CCDC91: variants seen among roughly 807,000 people sequenced by gnomAD.
CCDC91 encodes coiled-coil domain-containing protein 91.
A neutral mutation model predicts 63.2 loss-of-function variants in CCDC91; 48 were observed. The ratio of observed to expected loss-of-function variants is 0.76; its 90% CI spans 0.60 to 0.97. CCDC91 has a LOEUF of 0.97. CCDC91 is among the 50% of genes least tolerant of loss of function. The probability of loss-of-function intolerance (pLI) is 0.00; values close to 1 mark genes in which losing one functional copy is unlikely to be tolerated. For synonymous variants in CCDC91, 167 were observed against 165.8 expected (o/e 1.01, Z -0.06); for missense variants, 500 against 494.6 (o/e 1.01, Z -0.10).
At chr12:28,423,160 C>A (rs1948112229) in intron 8 of CCDC91, among the ~76,000 whole-genome samples, 1 of 152,008 alleles carries the variant, frequency 6.6e-6, no homozygotes, top group Admixed American at 6.6e-5. Context: ...GAAACATTTC[C>A]TGTGATCTTC....
chr12:28,348,251 G>A (rs1345412511), intron 6 of CCDC91, among the ~76,000 whole-genome samples: 1 of 152,170 alleles, frequency 6.6e-6, no homozygotes, highest in East Asian at 1.9e-4. Context: ...TATGTTTAGG[G>A]CCACCAGGGA....
At chr12:28,232,328 A>T (rs569457080) in intron 1 of CCDC91, among the ~76,000 whole-genome samples, 83 of 150,486 alleles carry the variant, frequency 5.5e-4, no homozygotes, top group African/African-American at 1.9e-3. Context: ...TTACTTAAAA[A>T]TTTTTTTTTT....
At chr12:28,539,237 T>G (rs1215548110) in intron 12 of CCDC91, among the ~76,000 whole-genome samples, 1 of 152,234 alleles carries the variant, frequency 6.6e-6, no homozygotes, top group Non-Finnish European at 1.5e-5. Flanking sequence ...TTTATGGTTT[T>G]AGGTCTAACG....
chr12:28,298,762 G>A (rs973912876), intron 3 of CCDC91, among the ~76,000 whole-genome samples: 1 of 139,478 alleles, frequency 7.2e-6, no homozygotes, highest in African/African-American at 2.6e-5. Context: ...ACAAAAAATT[G>A]TGTGTGCTTG....
chr12:28,349,032 T>C (rs764282265), intron 6 of CCDC91, among the ~76,000 whole-genome samples: 12 of 152,212 alleles, frequency 7.9e-5, no homozygotes, highest in Non-Finnish European at 1.5e-4. Context: ...CAATCTTATT[T>C]TTCAATTGAT....
chr12:28,192,442 C>T (rs1941343123), intron 1 of CCDC91, among the ~76,000 whole-genome samples: 1 of 152,136 alleles, frequency 6.6e-6, no homozygotes, highest in South Asian at 2.1e-4. Flanking sequence ...AACTGTAGGT[C>T]ATAATTACAG....
intron 7 of CCDC91, among the ~76,000 whole-genome samples, chr12:28,363,101 T>G (rs894702380): frequency 6.6e-6 from 1 of 152,148 alleles, no homozygotes; most frequent in African/African-American, 2.4e-5. Context: ...CATTTTTCTT[T>G]TACAAGTAAT....
intron 1 of CCDC91, among the ~76,000 whole-genome samples, chr12:28,221,616 G>A (rs1943957908): frequency 6.6e-6 from 1 of 152,098 alleles, no homozygotes; most frequent in South Asian, 2.1e-4. Flanking sequence ...CTTTTGTTTA[G>A]GTCTAATACA....
At chr12:28,447,412 G>C (rs879260380) in intron 8 of CCDC91, among the ~76,000 whole-genome samples, 2 of 151,564 alleles carry the variant, frequency 1.3e-5, no homozygotes, top group Non-Finnish European at 2.9e-5. Context: ...TGGGACACTG[G>C]GATATTTTCA....
At chr12:28,229,992 G>A (rs989978757) in intron 1 of CCDC91, among the ~76,000 whole-genome samples, 3 of 152,036 alleles carry the variant, frequency 2.0e-5, no homozygotes, top group Non-Finnish European at 4.4e-5. Context: ...TTTTATCAAG[G>A]CTAAACTTTT....
At chr12:28,220,588 C>T (rs1374954689) in intron 1 of CCDC91, among the ~76,000 whole-genome samples, 2 of 151,530 alleles carry the variant, frequency 1.3e-5, no homozygotes, top group Non-Finnish European at 2.9e-5. Flanking sequence ...TTTCTTCTCC[C>T]TGAAGAAATT....
At chr12:28,539,460 G>A (rs573087588) in intron 12 of CCDC91, among the ~76,000 whole-genome samples, 169 of 152,152 alleles carry the variant, frequency 1.1e-3, no homozygotes, top group African/African-American at 3.6e-3. Context: ...TGTTCCATTG[G>A]TCTATATCTC....
intron 8 of CCDC91, among the ~76,000 whole-genome samples, chr12:28,440,674 A>T (rs1002699126): frequency 7.9e-5 from 12 of 152,196 alleles, no homozygotes; most frequent in African/African-American, 2.9e-4. Flanking sequence ...ACATTCATGA[A>T]ACATATATCT....
intron 2 of CCDC91, among the ~76,000 whole-genome samples, chr12:28,258,308 A>G (rs1946584384): frequency 8.1e-6 from 1 of 123,086 alleles, no homozygotes; most frequent in Non-Finnish European, 1.9e-5. Flanking sequence ...TGTATGTTTC[A>G]GATATCATCT....
chr12:28,464,125 C>T (rs1016823294), intron 11 of CCDC91, among the ~76,000 whole-genome samples: 1 of 152,092 alleles, frequency 6.6e-6, no homozygotes, highest in African/African-American at 2.4e-5. Context: ...TGACTCCTGC[C>T]CACTGAGTGA....
chr12:28,412,263 G>A (rs375254337), intron 8 of CCDC91, among the ~76,000 whole-genome samples: 9 of 152,238 alleles, frequency 5.9e-5, no homozygotes, highest in African/African-American at 2.2e-4. Flanking sequence ...ATGCATGAAT[G>A]TATTGAGTTC....
chr12:28,369,901 T>C (rs1237510575), intron 7 of CCDC91, among the ~76,000 whole-genome samples: 1 of 152,148 alleles, frequency 6.6e-6, no homozygotes, highest in Admixed American at 6.5e-5. Context: ...GCTGGGACAG[T>C]GTGCCATGTC....
chr12:28,528,276 C>T (rs1378831652), intron 12 of CCDC91, among the ~76,000 whole-genome samples: 2 of 152,174 alleles, frequency 1.3e-5, no homozygotes, highest in African/African-American at 4.8e-5. Flanking sequence ...CACAGGGGGA[C>T]CCTAGAGCAA....
At chr12:28,372,754 A>G (rs1944701762) in intron 7 of CCDC91, among the ~76,000 whole-genome samples, 1 of 152,176 alleles carries the variant, frequency 6.6e-6, no homozygotes, top group Non-Finnish European at 1.5e-5. Flanking sequence ...TTTTCCAGGT[A>G]TGCAGTCATG....
Sources: gnomAD v4.1 joint callset for allele counts (sites outside exome capture counted in the v4.1 genomes callset) on GRCh38, gnomAD v4.1.1 for gene constraint, MANE v1.5 for transcripts, NCBI Gene and HGNC (gene_info 2026-07-23, HGNC 2026-07-21) for gene names.